The following DLG2 variants were observed in gnomAD, a reference collection of about 807,000 sequenced individuals.
DLG2 encodes discs large MAGUK scaffold protein 2.
DLG2 carries 45 observed loss-of-function variants against 132.5 expected under a neutral mutation model. That is an observed-to-expected ratio of 0.34 (90% CI 0.27 to 0.44). The LOEUF is 0.44. Ranked by LOEUF, DLG2 falls within the 20% of genes least tolerant of loss-of-function variation. The pLI is 1.00. For synonymous variants in DLG2, 424 were observed against 419.6 expected, an observed-to-expected ratio of 1.01 and a Z score of -0.13; for missense variants, 1,045 against 1,196.9, an observed-to-expected ratio of 0.87 and a Z score of 1.87.
At chr11:85,565,799 G>A (rs535113338) in intron 3 of DLG2, among the ~76,000 whole-genome samples, 5 of 152,046 alleles carry the variant, frequency 3.3e-5, no homozygotes, top group Admixed American at 2.6e-4. Flanking sequence ...TATGACTACC[G>A]CTGCTATGAA....
At chr11:84,668,903 A>C (rs1013518104) in intron 6 of DLG2, among the ~76,000 whole-genome samples, 3 of 152,204 alleles carry the variant, frequency 2.0e-5, no homozygotes, top group African/African-American at 7.2e-5. Flanking sequence ...ATATTTGAGC[A>C]TCCACAATGT....
chr11:84,983,573 T>G (rs555050220), intron 6 of DLG2, among the ~76,000 whole-genome samples: 1 of 152,090 alleles, frequency 6.6e-6, no homozygotes, highest in Non-Finnish European at 1.5e-5. Context: ...TCTGGTGATA[T>G]GAAAAAACAA....
intron 3 of DLG2, among the ~76,000 whole-genome samples, chr11:85,475,973 A>T (rs2093128818): frequency 6.6e-6 from 1 of 152,164 alleles, no homozygotes; most frequent in African/African-American, 2.4e-5. Flanking sequence ...ATCTACTAAC[A>T]AACAATCTAT....
At chr11:84,764,780 T>C (rs2068161238) in intron 6 of DLG2, among the ~76,000 whole-genome samples, 1 of 152,104 alleles carries the variant, frequency 6.6e-6, no homozygotes, top group African/African-American at 2.4e-5. Context: ...GTAGACACTG[T>C]GCTTAGTTTG....
At chr11:85,409,009 AATT>A (rs965792625) in intron 3 of DLG2, among the ~76,000 whole-genome samples, 4 of 151,832 alleles carry the variant, frequency 2.6e-5, no homozygotes, top group Non-Finnish European at 5.9e-5. Flanking sequence ...GAGGAGAAGG[AATT>A]ATTATTATTA....
At position 84,900,319 on chromosome 11, in the gene DLG2, C is replaced by G. The variant is rs759650184; in HGVS notation, c.357+211342G>C. On this transcript the variant is annotated intron_variant, in intron 6 of 27. Transcript: ENST00000376104. ...TTAAATAAAACAGCTCTATTCTTAG[C>G]AAATTAATTAGGTAATATAGACATT... Among the ~76,000 whole-genome samples, 7 of 152,104 alleles carry G rather than the reference C, an allele frequency of 4.6e-5. No homozygotes were observed. The South Asian group carries it at 8.3e-4, about 18-fold the overall frequency.
intron 18 of DLG2, among the ~76,000 whole-genome samples, chr11:83,699,463 G>A (rs1395514390): frequency 1.3e-5 from 2 of 151,732 alleles, no homozygotes; most frequent in African/African-American, 4.8e-5. Flanking sequence ...TTGGGAGGCT[G>A]AGGCAGGCGG....
At chr11:85,196,276 T>C (rs1314704291) in intron 4 of DLG2, among the ~76,000 whole-genome samples, 2 of 152,242 alleles carry the variant, frequency 1.3e-5, no homozygotes, top group Admixed American at 6.5e-5. Context: ...CAATTTCCAA[T>C]TGGATGTGAA....
At chr11:84,629,921 A>C (rs2154543584) in intron 6 of DLG2, among the ~76,000 whole-genome samples, 1 of 152,310 alleles carries the variant, frequency 6.6e-6, no homozygotes, top group African/African-American at 2.4e-5. Flanking sequence ...TTTTTACAAG[A>C]GACAGCATCT....
chr11:84,977,912 T>C (rs946431140), intron 6 of DLG2, among the ~76,000 whole-genome samples: 1 of 152,192 alleles, frequency 6.6e-6, no homozygotes, highest in African/African-American at 2.4e-5. Flanking sequence ...CAAGACCCAT[T>C]TGAATACTCT....
chr11:83,736,325 A>G (rs1442424038), intron 18 of DLG2, among the ~76,000 whole-genome samples: 1 of 152,092 alleles, frequency 6.6e-6, no homozygotes, highest in Non-Finnish European at 1.5e-5. Flanking sequence ...GGTATTACAC[A>G]AGTGTTTGCT....
chr11:84,524,466 G>A (rs2099314055), intron 7 of DLG2, among the ~76,000 whole-genome samples: 1 of 152,184 alleles, frequency 6.6e-6, no homozygotes, highest in Non-Finnish European at 1.5e-5. Flanking sequence ...GTCTGTCAAG[G>A]CCATATTTCA....
intron 14 of DLG2, among the ~76,000 whole-genome samples, chr11:83,932,289 C>T (rs562135337): frequency 6.6e-6 from 1 of 151,400 alleles, no homozygotes; most frequent in East Asian, 1.9e-4. Flanking sequence ...GGCTGGAGTG[C>T]AGTGGCGCAA....
intron 6 of DLG2, among the ~76,000 whole-genome samples, chr11:84,898,195 T>C (rs1378357041): frequency 3.3e-5 from 5 of 152,006 alleles, no homozygotes; most frequent in East Asian, 3.8e-4. Flanking sequence ...TTTGTATTAG[T>C]TGAGCACAGA....
At chr11:85,310,091 T>C (rs1051089174) in intron 3 of DLG2, among the ~76,000 whole-genome samples, 3 of 152,194 alleles carry the variant, frequency 2.0e-5, no homozygotes, top group African/African-American at 7.2e-5. Flanking sequence ...ATTAAGAGTT[T>C]GTCAGTCTTA....
chr11:85,219,007 AG>A (rs35492538), intron 4 of DLG2, among the ~76,000 whole-genome samples: 31 of 152,278 alleles, frequency 2.0e-4, no homozygotes, highest in African/African-American at 7.5e-4. Context: ...TCTTACTTAT[AG>A]GGGGAAGCTA....
chr11:84,736,133 G>A (rs562604), intron 6 of DLG2, among the ~76,000 whole-genome samples: 70,905 of 151,596 alleles, frequency 0.47, 17,693 homozygotes, highest in Non-Finnish European at 0.57. Flanking sequence ...AATTGTTTCT[G>A]TATTATTTGT....
chr11:83,708,150 A>C (rs185080674), intron 18 of DLG2, among the ~76,000 whole-genome samples: 4 of 152,320 alleles, frequency 2.6e-5, no homozygotes, highest in Non-Finnish European at 4.4e-5. Flanking sequence ...TAATTGTTGG[A>C]AATTTATTCT....
chr11:83,719,005 G>A (rs116872257), intron 18 of DLG2, among the ~76,000 whole-genome samples: 6,023 of 152,240 alleles, frequency 0.04, 176 homozygotes, highest in Middle Eastern at 0.092. Flanking sequence ...CCTGGGAAAC[G>A]TTTTTTAAAT....
Sources: allele counts gnomAD v4.1 joint callset (sites outside exome capture counted in the v4.1 genomes callset), GRCh38; gene constraint gnomAD v4.1.1; transcripts MANE v1.5; gene names NCBI Gene and HGNC (gene_info 2026-07-23, HGNC 2026-07-21).